LDB2: variants seen among roughly 807,000 people sequenced by gnomAD.
LDB2 encodes LIM domain-binding protein 2.
In LDB2, 12 loss-of-function variants were observed where a neutral mutation model predicts 44.3. The ratio of observed to expected loss-of-function variants is 0.27; its 90% confidence interval spans 0.17 to 0.44. LDB2 has a LOEUF of 0.44. LDB2 is among the 20% of genes least tolerant of loss of function. The pLI, the probability that LDB2 is intolerant of heterozygous loss-of-function variation, is 1.00. For missense variants in LDB2, 344 were observed against 473.5 expected (o/e 0.73, Z 2.54); for synonymous variants, 164 against 174.8 (o/e 0.94, Z 0.49).
intron 1 of LDB2, among the ~76,000 whole-genome samples, chr4:16,856,674 TACTC>T (rs536792399): frequency 2.0e-5 from 3 of 152,200 alleles, no homozygotes; most frequent in Non-Finnish European, 4.4e-5. Context: ...CTTAAGTACT[TACTC>T]TAAAGAAATG....
At chr4:16,597,822 T>C (rs1721430542) in intron 2 of LDB2, among the ~76,000 whole-genome samples, 1 of 152,216 alleles carries the variant, frequency 6.6e-6, no homozygotes, top group Admixed American at 6.6e-5. Context: ...GGAAAAAGGT[T>C]TGAGAGTCTT....
intron 2 of LDB2, among the ~76,000 whole-genome samples, chr4:16,733,951 G>A (rs545711833): frequency 1.3e-5 from 2 of 152,254 alleles, no homozygotes; most frequent in East Asian, 1.9e-4. Context: ...TGGGAGAGAC[G>A]GAGCTGCAGG....
intron 1 of LDB2, among the ~76,000 whole-genome samples, chr4:16,866,150 T>C (rs550685714): frequency 6.6e-6 from 1 of 152,298 alleles, no homozygotes; most frequent in South Asian, 2.1e-4. Flanking sequence ...TGTGCAGATT[T>C]TCTTTCCGCG....
chr4:16,661,427 C>T (rs1741559523), intron 2 of LDB2, among the ~76,000 whole-genome samples: 1 of 152,200 alleles, frequency 6.6e-6, no homozygotes, highest in African/African-American at 2.4e-5. Flanking sequence ...AATCCCATCT[C>T]AGCCACTTAC....
At chr4:16,670,506 A>T (rs558457289) in intron 2 of LDB2, among the ~76,000 whole-genome samples, 6 of 152,356 alleles carry the variant, frequency 3.9e-5, no homozygotes, top group Admixed American at 3.9e-4. Flanking sequence ...TCTGTGAAGC[A>T]TCTACAGTCA....
intron 2 of LDB2, among the ~76,000 whole-genome samples, chr4:16,741,877 A>G (rs1264356624): frequency 2.0e-5 from 3 of 152,174 alleles, no homozygotes; most frequent in Non-Finnish European, 4.4e-5. Flanking sequence ...AGTCTAAATT[A>G]TCTATGATCT....
rs572909187 is a variant in LDB2, at chr4:16,665,962, A to G, written c.236-70087T>C. On this transcript the variant is annotated intron_variant, in intron 2 of 7. Coordinates refer to ENST00000304523, the MANE Select transcript of LDB2 (RefSeq NM_001290.5). ...AGCCCCGGAATGTTGAAGATTGCCTACAATACAAGAAGCCAGGATGGGGGC... is the reference window on the plus strand; with the variant it reads ...AGCCCCGGAATGTTGAAGATTGCCTGCAATACAAGAAGCCAGGATGGGGGC... Among the ~76,000 whole-genome samples, 4 of 152,272 alleles carry G rather than the reference A, an allele frequency of 2.6e-5. No individual in the cohort carries two copies. The South Asian group carries it at 6.2e-4, about 24-fold the overall frequency.
intron 2 of LDB2, among the ~76,000 whole-genome samples, chr4:16,657,272 C>A (rs1740145795): frequency 6.6e-6 from 1 of 152,272 alleles, no homozygotes; most frequent in South Asian, 2.1e-4. Context: ...TATCTATCTG[C>A]TGGATAGTGC....
chr4:16,641,566 G>A (rs1056707855), intron 2 of LDB2, among the ~76,000 whole-genome samples: 5 of 152,094 alleles, frequency 3.3e-5, no homozygotes, highest in Admixed American at 6.5e-5. Flanking sequence ...GAGAAGGGGT[G>A]CAGGAGAGAG....
intron 1 of LDB2, among the ~76,000 whole-genome samples, chr4:16,772,291 G>A (rs1316657508): frequency 6.6e-6 from 1 of 152,152 alleles, no homozygotes; most frequent in Non-Finnish European, 1.5e-5. Context: ...AAAAAATTGT[G>A]TTCATTGGGA....
At chr4:16,585,873 G>T (rs753085626) in intron 5 of LDB2, 49 bp downstream of exon 5, 1 of 1,415,714 alleles carries the variant, frequency 7.1e-7, no homozygotes, top group South Asian at 1.2e-5. Flanking sequence ...TAAACCTCTG[G>T]AGTACTTTTC....
At chr4:16,622,889 C>T (rs777720030) in intron 2 of LDB2, among the ~76,000 whole-genome samples, 3 of 152,188 alleles carry the variant, frequency 2.0e-5, no homozygotes, top group Non-Finnish European at 4.4e-5. Flanking sequence ...GTTTGTGATC[C>T]TGTATAATGA....
At chr4:16,639,702 C>T (rs1048510483) in intron 2 of LDB2, among the ~76,000 whole-genome samples, 3 of 152,208 alleles carry the variant, frequency 2.0e-5, no homozygotes, top group East Asian at 1.9e-4. Flanking sequence ...TCAGGTGATC[C>T]GCCCACCTCA....
chr4:16,627,655 A>G (rs1454397402), intron 2 of LDB2, among the ~76,000 whole-genome samples: 3 of 152,194 alleles, frequency 2.0e-5, no homozygotes, highest in African/African-American at 7.2e-5. Context: ...CTGGTGTGGT[A>G]GGCAGCCTCC....
chr4:16,531,069 G>T (rs1729971938), intron 5 of LDB2, among the ~76,000 whole-genome samples: 1 of 152,170 alleles, frequency 6.6e-6, no homozygotes, highest in Admixed American at 6.5e-5. Flanking sequence ...AGTGGAACCA[G>T]GTTTCAGTGT....
intron 5 of LDB2, among the ~76,000 whole-genome samples, chr4:16,535,360 C>CTGAT (rs1288087280): frequency 1.3e-5 from 2 of 152,146 alleles, no homozygotes; most frequent in Admixed American, 6.5e-5. Flanking sequence ...CCTTTGGTGC[C>CTGAT]TGATTGTTTC....
intron 2 of LDB2, among the ~76,000 whole-genome samples, chr4:16,752,677 A>G (rs1765712636): frequency 6.6e-6 from 1 of 152,228 alleles, no homozygotes; most frequent in African/African-American, 2.4e-5. Context: ...AGCTAAAGTT[A>G]CAGGTGCATC....
At chr4:16,630,153 G>A (rs1731498309) in intron 2 of LDB2, among the ~76,000 whole-genome samples, 1 of 152,158 alleles carries the variant, frequency 6.6e-6, no homozygotes, top group Non-Finnish European at 1.5e-5. Flanking sequence ...CACCAAGGTG[G>A]AAATGAAGGA....
In LDB2 at chr4:16,626,548, T is replaced by A. The variant is rs1730330707; in HGVS notation, c.236-30673A>T. ...CTTCAGTGCTTGAAATCTAGCCAGG[T>A]TCTCACAGAGAAATCAGGCAAATAC... is the stretch of plus-strand genomic sequence containing the variant. On this transcript the variant is annotated intron_variant, in intron 2 of 7. Coordinates refer to ENST00000304523, the MANE Select transcript of LDB2 (RefSeq NM_001290.5). 1.3e-5 allele frequency among the ~76,000 whole-genome samples: 2 copies of A among 152,208 alleles called. 1 individual carries two copies. Among genetic ancestry groups the A allele is most frequent in the South Asian group, 4.1e-4 (2 of 4,832 alleles).
Sources: allele counts gnomAD v4.1 joint callset (sites outside exome capture counted in the v4.1 genomes callset), GRCh38; gene constraint gnomAD v4.1.1; transcripts MANE v1.5; gene names NCBI Gene and HGNC (gene_info 2026-07-23, HGNC 2026-07-21).